CHODL: variants seen among roughly 807,000 people sequenced by gnomAD.
CHODL encodes chondrolectin.
In CHODL, 29 loss-of-function variants were observed where a neutral mutation model predicts 34.5. The observed-to-expected ratio is 0.84, with a 90% CI of 0.63 to 1.15. The LOEUF is 1.15. Ranked by LOEUF, CHODL falls within the 50% of genes most tolerant of loss-of-function variation. The probability of loss-of-function intolerance (pLI) is 0.00; values close to 1 mark genes in which losing one functional copy is unlikely to be tolerated. For missense variants in CHODL, 332 were observed against 332.5 expected, an observed-to-expected ratio of 1.00 and a Z score of 0.01; for synonymous variants, 125 against 116.1, an observed-to-expected ratio of 1.08 and a Z score of -0.49.
In CHODL at chr21:18,249,815, T is replaced by A. The variant is rs144165684; in HGVS notation, c.79+4513T>A. On this transcript the variant is annotated intron_variant, in intron 1 of 5. Transcript: ENST00000299295. The stretch of plus-strand genomic sequence containing the variant: ...GATAAGAGCACCTATGTCATAGGAT[T>A]GCTAGGAATATTAAAAAGGTTCAAA... Among the ~76,000 whole-genome samples, 549 of 152,222 alleles carry A rather than the reference T, an allele frequency of 3.6e-3. 2 individuals carry two copies. The highest frequency in any genetic ancestry group is 0.013 in the African/African-American group (520 of 41,532).
intron 1 of CHODL, among the ~76,000 whole-genome samples, chr21:18,010,075 A>G (rs2063999564): frequency 7.0e-6 from 1 of 142,052 alleles, no homozygotes; most frequent in African/African-American, 2.6e-5. Flanking sequence ...TTCAATCGAG[A>G]CCATCCTGGC....
rs534321076 is a variant in CHODL, at chr21:18,169,494, A to G, written c.-44-87015A>G. Among the ~76,000 whole-genome samples the G allele has an allele frequency of 1.3e-5, 2 of 151,842 alleles. 1 individual carries two copies. The highest frequency in any genetic ancestry group is 4.2e-4 in the South Asian group (2 of 4,814). On this transcript the variant is annotated intron_variant, in intron 2 of 6. Transcript: ENST00000400127. ...ATGCCAAGACCACAGTATCTTGAGC[A>G]CTGTAACTTTGTAGTAAGTTTTGAA...
chr21:18,199,318 CTT>C (rs1373367559), intron 2 of CHODL, among the ~76,000 whole-genome samples: 2 of 152,066 alleles, frequency 1.3e-5, no homozygotes, highest in Non-Finnish European at 2.9e-5. Flanking sequence ...TTTTAATAGA[CTT>C]ATTTTTTAGA....
intron 5 of CHODL, among the ~76,000 whole-genome samples, chr21:18,265,638 A>G (rs1432473211): frequency 6.6e-6 from 1 of 152,300 alleles, no homozygotes; most frequent in East Asian, 1.9e-4. Context: ...TTACTCATGT[A>G]ACCAAACACC....
intron 2 of CHODL, among the ~76,000 whole-genome samples, chr21:18,052,768 A>T (rs564415092): frequency 6.6e-6 from 1 of 152,072 alleles, no homozygotes; most frequent in East Asian, 1.9e-4. Flanking sequence ...TGAGGGAAAC[A>T]TCTCTGACCA....
chr21:18,194,226 C>T (rs762359225), intron 2 of CHODL, among the ~76,000 whole-genome samples: 55 of 152,104 alleles, frequency 3.6e-4, no homozygotes, highest in Non-Finnish European at 7.2e-4. Context: ...TTCAGTTTCC[C>T]CATCCTTCTC....
upstream of CHODL, among the ~76,000 whole-genome samples, chr21:18,242,794 A>G (rs2074094284): frequency 6.6e-6 from 1 of 152,212 alleles, no homozygotes; most frequent in African/African-American, 2.4e-5. Flanking sequence ...TATTGAGGAT[A>G]CAGTTATTAT....
chr21:18,062,776 A>C (rs2064684549), intron 2 of CHODL, among the ~76,000 whole-genome samples: 1 of 152,032 alleles, frequency 6.6e-6, no homozygotes, highest in Non-Finnish European at 1.5e-5. Context: ...AAACAAAACA[A>C]AGTGTGGAGA....
intron 1 of CHODL, among the ~76,000 whole-genome samples, chr21:18,010,727 A>T (rs2824603): frequency 2.0e-4 from 30 of 152,212 alleles, no homozygotes; most frequent in African/African-American, 7.0e-4. Context: ...ACAAAAACAA[A>T]CCACTTAAAA....
intron 1 of CHODL, among the ~76,000 whole-genome samples, chr21:17,967,517 A>C (rs2063581780): frequency 6.6e-6 from 1 of 152,144 alleles, no homozygotes; most frequent in South Asian, 2.1e-4. Context: ...TTGGGACTCT[A>C]GATTTACCTC....
At chr21:18,195,343 C>T (rs560293623) in intron 2 of CHODL, among the ~76,000 whole-genome samples, 14 of 152,226 alleles carry the variant, frequency 9.2e-5, no homozygotes, top group South Asian at 8.3e-4. Flanking sequence ...CGTGAGCCAC[C>T]GCACCCAGCC....
chr21:17,963,347 A>G (rs1308918180), intron 1 of CHODL, among the ~76,000 whole-genome samples: 3 of 152,184 alleles, frequency 2.0e-5, no homozygotes, highest in Non-Finnish European at 4.4e-5. Flanking sequence ...TGTATTGTCC[A>G]TTTTCGTACT....
chr21:17,966,891 C>CT (rs71830028), intron 1 of CHODL, among the ~76,000 whole-genome samples: 31,697 of 144,584 alleles, frequency 0.22, 4,014 homozygotes, highest in Non-Finnish European at 0.3. Flanking sequence ...TTTTCCTGAG[C>CT]TTTTTTTTTT....
intron 5 of CHODL, among the ~76,000 whole-genome samples, chr21:18,264,375 G>A (rs552050377): frequency 3.9e-5 from 6 of 152,016 alleles, no homozygotes; most frequent in African/African-American, 1.4e-4. Context: ...AATGACTTGG[G>A]TGGATCATCT....
rs1029562460 is a variant in CHODL, at chr21:18,171,815, T to G, written c.-44-84694T>G. Among the ~76,000 whole-genome samples, 8 of 151,826 alleles carry G rather than the reference T, an allele frequency of 5.3e-5. 1 individual carries two copies. Among genetic ancestry groups the G allele is most frequent in the Non-Finnish European group, 1.0e-4 (7 of 67,986 alleles). On this transcript the variant is annotated intron_variant, in intron 2 of 6. Transcript: ENST00000400127. ...TGTATTCTTTGTCATATGTGTCCAC[T>G]AGGTCTCTTCTCAGTTAGCTTACTG... is the stretch of plus-strand genomic sequence containing the variant.
intron 2 of CHODL, among the ~76,000 whole-genome samples, chr21:18,060,040 C>T (rs1568865484): frequency 1.3e-5 from 2 of 152,110 alleles, no homozygotes; most frequent in African/African-American, 2.4e-5. Flanking sequence ...TTCCCCATTT[C>T]AAACACTTTC....
At chr21:17,932,363 T>C (rs2063281002) in intron 1 of CHODL, among the ~76,000 whole-genome samples, 1 of 152,182 alleles carries the variant, frequency 6.6e-6, no homozygotes, top group Non-Finnish European at 1.5e-5. Flanking sequence ...TGTGGGAATG[T>C]AAATTAGTAC....
At chr21:17,934,449 C>T (rs575188372) in intron 1 of CHODL, among the ~76,000 whole-genome samples, 1 of 152,034 alleles carries the variant, frequency 6.6e-6, no homozygotes. Context: ...CTCTCTCTCC[C>T]TATTAGTATA....
At chr21:18,065,313 T>G (rs1444531735) in intron 2 of CHODL, among the ~76,000 whole-genome samples, 1 of 152,184 alleles carries the variant, frequency 6.6e-6, no homozygotes, top group African/African-American at 2.4e-5. Flanking sequence ...CATCTTTGTA[T>G]CTCTAAACCC....
Sources: gnomAD v4.1 joint callset for allele counts (sites outside exome capture counted in the v4.1 genomes callset) on GRCh38, gnomAD v4.1.1 for gene constraint, MANE v1.5 for transcripts, NCBI Gene and HGNC (gene_info 2026-07-23, HGNC 2026-07-21) for gene names.